ACOT11: variants seen among roughly 807,000 people sequenced by gnomAD.
ACOT11 encodes acyl-CoA thioesterase 11.
A neutral mutation model predicts 77.5 loss-of-function variants in ACOT11; 69 were observed. The observed-to-expected ratio is 0.89, with a 90% CI of 0.73 to 1.09. The LOEUF (loss-of-function observed/expected upper bound fraction) is 1.09, where lower values mean the gene tolerates loss of function less well. Among genes scored for constraint, ACOT11 ranks in the 50% least tolerant of loss-of-function variants. ACOT11 has a pLI of 0.00. For synonymous variants in ACOT11, 279 were observed against 313.0 expected (o/e 0.89, Z 1.15); for missense variants, 766 against 813.7 (o/e 0.94, Z 0.71).
rs202193137 is a variant in ACOT11, at chr1:54,609,845, G to A, written c.*733G>A. 121 of 1,614,070 alleles carry A rather than the reference G, an allele frequency of 7.5e-5. No homozygotes were observed. Among genetic ancestry groups the A allele is most frequent in the Admixed American group, 4.3e-4 (26 of 60,036 alleles). ...CAGCTGCTGCAGGCAGGACTCCAGC[G>A]TCAGGATGTTGCCACTTGGAGTATG... On this transcript the variant is annotated 3_prime_UTR_variant, in exon 16 of 16. Coordinates refer to ENST00000343744, the MANE Select transcript of ACOT11 (RefSeq NM_147161.4).
chr1:54,552,150 C>T (rs1383063193), intron 1 of ACOT11, among the ~76,000 whole-genome samples: 2 of 152,104 alleles, frequency 1.3e-5, no homozygotes, highest in African/African-American at 4.8e-5. Flanking sequence ...TCCCCACCAG[C>T]CTGGACATCC....
chr1:54,608,025 G>A lies in ACOT11; in HGVS notation c.1586G>A (p.Cys529Tyr). The A allele has an allele frequency of 6.2e-7, 1 of 1,613,104 alleles. No homozygotes were observed. The highest frequency in any genetic ancestry group is 8.5e-7 in the Non-Finnish European group (1 of 1,179,846). The part of the protein sequence containing the change: ...TPEYRRGETL[C>Y]SGFCLWREGD... The stretch of plus-strand genomic sequence containing the variant: ...GAGTACAGACGCGGAGAGACCCTCT[G>A]CTCAGGCTTCTGCCTCTGGCGCGAG... The change falls in exon 15 of 16, where the codon TGC (cysteine) becomes TAC (tyrosine). Residue 529 changes from cysteine (C) to tyrosine (Y), a missense_variant. Cys to Tyr is a radical substitution (Grantham distance 194). Transcript: ENST00000343744.
intron 1 of ACOT11, among the ~76,000 whole-genome samples, chr1:54,576,491 T>TTA (rs1330910972): frequency 0.11 from 7,732 of 68,284 alleles, 901 homozygotes; most frequent in African/African-American, 0.34. Flanking sequence ...GAGCAAGATC[T>TTA]AAAAAAAAAA....
intron 15 of ACOT11, among the ~76,000 whole-genome samples, chr1:54,629,626 C>G (rs1040022881): frequency 2.2e-5 from 3 of 133,606 alleles, no homozygotes; most frequent in Admixed American, 7.7e-5. Context: ...GCTCTGTCAT[C>G]CAGGCTGGAG....
rs879571931 is a variant in ACOT11 at position 54,607,334 on chromosome 1, C to T, written c.1502+69C>T. 1 of 1,591,592 alleles carries T rather than the reference C, an allele frequency of 6.3e-7. No individual in the cohort carries two copies. The highest frequency in any genetic ancestry group is 8.6e-7 in the Non-Finnish European group (1 of 1,163,788). ...GGTGGTAGGGTGGCCGCTTCTCCCT[C>T]CCAGGGAAGGGCATCAGCCTGGAGC... On this transcript the variant is annotated intron_variant, in intron 14 of 15. Transcript: ENST00000343744. The surrounding 1 kb of genome is among the most constrained non-coding windows in gnomAD (Gnocchi z 4.5).
chr1:54,638,667 G>A (rs955066276), exon 17 of ACOT11: 5 of 150,978 alleles, frequency 3.3e-5, no homozygotes, highest in Admixed American at 1.3e-4. Flanking sequence ...CAGTCCCTGT[G>A]TTTTTTTTTG....
At chr1:54,605,234 G>A (rs939749026) in intron 13 of ACOT11, 25 bp downstream of exon 13, 1 of 1,608,454 alleles carries the variant, frequency 6.2e-7, no homozygotes. Flanking sequence ...TGAGGGCAGG[G>A]CAGTGTCCCT....
chr1:54,613,101 C>T (rs1644136171), downstream of ACOT11, among the ~76,000 whole-genome samples: 1 of 152,118 alleles, frequency 6.6e-6, no homozygotes, highest in East Asian at 1.9e-4. Flanking sequence ...TCCCTCCTGC[C>T]AGGTGTGGTG....
At chr1:54,556,790 C>T (rs775926566) in intron 1 of ACOT11, among the ~76,000 whole-genome samples, 4 of 151,970 alleles carry the variant, frequency 2.6e-5, no homozygotes, top group Non-Finnish European at 5.9e-5. Flanking sequence ...CCATTGTTGG[C>T]AAGGCTCGTC....
chr1:54,627,256 G>C (rs565079719), intron 15 of ACOT11, among the ~76,000 whole-genome samples: 1 of 134,898 alleles, frequency 7.4e-6, no homozygotes, highest in Non-Finnish European at 1.7e-5. Flanking sequence ...TCCGCGGGCC[G>C]TGTGTCACCT....
rs922642637 is a variant in ACOT11, at chr1:54,630,191, G to A, written c.1630-543G>A. Among the ~76,000 whole-genome samples the A allele has an allele frequency of 6.8e-5, 9 of 132,348 alleles. 2 individuals are homozygous for A. Among genetic ancestry groups the A allele is most frequent in the South Asian group, 5.2e-4 (2 of 3,814 alleles). The allele number at this position is 132,348 out of a possible 152,430, so 86.8% of individuals were successfully genotyped here. A position where few individuals can be genotyped will look rare whatever the true frequency, so the allele number is the denominator to read the frequency against. On this transcript the variant is annotated intron_variant, in intron 15 of 16. Transcript: ENST00000371316. The stretch of plus-strand genomic sequence containing the variant: ...TGGGATTACAGGCGTGAGCCACTGC[G>A]CCTGGCCTGTTTAATGTTTAAAGAA...
At chr1:54,567,566 A>T (rs183336885) in intron 1 of ACOT11, among the ~76,000 whole-genome samples, 4 of 152,220 alleles carry the variant, frequency 2.6e-5, no homozygotes, top group Non-Finnish European at 5.9e-5. Flanking sequence ...GGCGTGAGCC[A>T]CTGTGCCTGG....
At chr1:54,635,288 C>T (rs569235337) in exon 17 of ACOT11, 8 of 217,048 alleles carry the variant, frequency 3.7e-5, no homozygotes, top group East Asian at 3.2e-4. Flanking sequence ...CTGCATGCCA[C>T]GGTCACACTA....
intron 9 of ACOT11, 82 bp downstream of exon 9, chr1:54,601,495 C>T: frequency 6.4e-7 from 1 of 1,553,624 alleles, no homozygotes; most frequent in South Asian, 1.2e-5. Context: ...CTGCCAGCCC[C>T]CTACAGACCT....
chr1:54,630,274 G>T (rs1644292440), intron 15 of ACOT11, among the ~76,000 whole-genome samples: 2 of 79,578 alleles, frequency 2.5e-5, no homozygotes, highest in South Asian at 8.0e-4. Context: ...AGCACTTTGG[G>T]AGGCCTAGGT....
At chr1:54,551,156 A>C (rs560614136) in intron 1 of ACOT11, among the ~76,000 whole-genome samples, 1 of 151,810 alleles carries the variant, frequency 6.6e-6, no homozygotes, top group Non-Finnish European at 1.5e-5. Flanking sequence ...AAAAGAAAAA[A>C]AACCAGCAAC....
intron 15 of ACOT11, among the ~76,000 whole-genome samples, chr1:54,620,534 T>G (rs1463574347): frequency 6.7e-6 from 1 of 149,714 alleles, no homozygotes; most frequent in South Asian, 2.1e-4. Context: ...GGTGAAACCA[T>G]GTCTCTACTA....
At chr1:54,553,949 G>C in intron 1 of ACOT11, among the ~76,000 whole-genome samples, 2 of 152,174 alleles carry the variant, frequency 1.3e-5, no homozygotes, top group South Asian at 4.2e-4. Flanking sequence ...TGAGATGGGC[G>C]GATCGCTTGA....
At chr1:54,593,759 G>A (rs1310357550) in intron 4 of ACOT11, among the ~76,000 whole-genome samples, 182 bp from the exon 5 acceptor site, 2 of 152,084 alleles carry the variant, frequency 1.3e-5, no homozygotes, top group African/African-American at 4.8e-5. Flanking sequence ...AAGGTTTCCC[G>A]GGGACCCAAG....
Sources: gnomAD v4.1 joint callset for allele counts (sites outside exome capture counted in the v4.1 genomes callset) on GRCh38, gnomAD v4.1.1 for gene constraint, Gnocchi (gnomAD v3.1) non-coding constraint, MANE v1.5 for transcripts, NCBI Gene and HGNC (gene_info 2026-07-23, HGNC 2026-07-21) for gene names.